TRDN: variants seen among roughly 807,000 people sequenced by gnomAD.
The protein encoded by TRDN is triadin in skeletal muscle.
A neutral mutation model predicts 149.7 loss-of-function variants in TRDN; 161 were observed. That is an observed-to-expected ratio of 1.08 (90% CI 0.95 to 1.23). The LOEUF (loss-of-function observed/expected upper bound fraction) is 1.23, where lower values mean the gene tolerates loss of function less well. Among genes scored for constraint, TRDN ranks in the 50% most tolerant of loss-of-function variants. The pLI is 0.00. For synonymous variants in TRDN, 294 were observed against 250.5 expected (o/e 1.17, Z -1.64); for missense variants, 896 against 823.5 (o/e 1.09, Z -1.08).
At chr6:123,237,386 A>G (rs960862320) in intron 38 of TRDN, among the ~76,000 whole-genome samples, 9 of 151,988 alleles carry the variant, frequency 5.9e-5, no homozygotes, top group Non-Finnish European at 1.0e-4. Flanking sequence ...AGTGGCTGGG[A>G]CTACAGGTAA....
chr6:123,437,913 A>T, intron 12 of TRDN, 150 bp downstream of exon 12: 1 of 643,844 alleles, frequency 1.6e-6, no homozygotes, highest in Non-Finnish European at 2.7e-6. Flanking sequence ...TTGCCTGTTT[A>T]ACTTTGTCTA....
chr6:123,362,825 T>C (rs1413317821), intron 20 of TRDN, among the ~76,000 whole-genome samples: 1 of 152,094 alleles, frequency 6.6e-6, no homozygotes, highest in Non-Finnish European at 1.5e-5. Flanking sequence ...TCAAGAACAA[T>C]ATTAACATTT....
intron 1 of TRDN, among the ~76,000 whole-genome samples, chr6:123,585,423 A>G (rs1196282937): frequency 6.6e-6 from 1 of 152,100 alleles, no homozygotes; most frequent in African/African-American, 2.4e-5. Flanking sequence ...CTTGAAAAGA[A>G]GGTAATGTGG....
chr6:123,279,531 T>C (rs901111102), intron 24 of TRDN, among the ~76,000 whole-genome samples: 6 of 152,030 alleles, frequency 3.9e-5, no homozygotes, highest in Admixed American at 1.3e-4. Context: ...TTTTCTCTGA[T>C]TCTGTTTTCT....
chr6:123,304,950 C>T (rs1181463218), intron 24 of TRDN, among the ~76,000 whole-genome samples: 1 of 151,984 alleles, frequency 6.6e-6, no homozygotes, highest in East Asian at 1.9e-4. Context: ...GTTGTGTAAA[C>T]AAAGATAAAA....
At chr6:123,408,985 A>T (rs1406894206) in intron 12 of TRDN, among the ~76,000 whole-genome samples, 1 of 152,196 alleles carries the variant, frequency 6.6e-6, no homozygotes, top group Non-Finnish European at 1.5e-5. Flanking sequence ...CTTAACATAT[A>T]CCAGACTGAA....
chr6:123,249,528 C>G (rs1218538642), intron 38 of TRDN, among the ~76,000 whole-genome samples: 2 of 152,102 alleles, frequency 1.3e-5, no homozygotes, highest in African/African-American at 4.8e-5. Flanking sequence ...TGGAATCAAC[C>G]TAAGTGCCCA....
At position 123,456,551 on chromosome 6, in the gene TRDN, C is replaced by T. The variant is rs78039480; in HGVS notation, c.931+8355G>A. On this transcript the variant is annotated intron_variant, in intron 10 of 40. Coordinates refer to ENST00000334268, the MANE Select transcript of TRDN (RefSeq NM_006073.4). Reference sequence around the variant, plus strand: ...TCGTGGGATCTCGGCTCACTGCAACCTCTGTTTCCCAGGCTCAAGTGATCC... The same window carrying T: ...TCGTGGGATCTCGGCTCACTGCAACTTCTGTTTCCCAGGCTCAAGTGATCC... Among the ~76,000 whole-genome samples the T allele has an allele frequency of 3.4e-3, 517 of 151,866 alleles. 23 individuals carry two copies. In the East Asian group the frequency reaches 0.092, roughly 27 times the overall value.
chr6:123,504,036 A>G (rs1778812709), intron 7 of TRDN, 135 bp from the exon 8 acceptor site: 2 of 912,104 alleles, frequency 2.2e-6, no homozygotes, highest in African/African-American at 1.7e-5. Context: ...TGTTAAGAAC[A>G]GTATTTTTCA....
chr6:123,519,488 TTTTA>T (rs1177254354), intron 5 of TRDN, among the ~76,000 whole-genome samples: 83 of 64,538 alleles, frequency 1.3e-3, no homozygotes, highest in East Asian at 0.012. Context: ...TTTTTTTTTT[TTTTA>T]AACAGGGAAA....
At position 123,259,617 on chromosome 6, in the gene TRDN, T is replaced by C. The variant is rs1776689664; in HGVS notation, c.1870+7A>G. The C allele has an allele frequency of 2.0e-6, 3 of 1,475,514 alleles. No individual in the cohort carries two copies. Among genetic ancestry groups the C allele is most frequent in the Middle Eastern group, 2.0e-4 (1 of 5,068 alleles). 91.4% of individuals were successfully genotyped at this position (1,475,514 alleles called of 1,614,324 possible). A position where few individuals can be genotyped will look rare whatever the true frequency, so the allele number is the denominator to read the frequency against. ...TTGATGTATATGTCTTAAAATGTCA[T>C]TTTTACCTTTACTTTCTTTTTCAGA... On this transcript the variant is annotated splice_region_variant and intron_variant, in intron 35 of 40. Coordinates refer to ENST00000334268, the MANE Select transcript of TRDN (RefSeq NM_006073.4).
At chr6:123,372,565 C>A (rs1471917775) in intron 19 of TRDN, among the ~76,000 whole-genome samples, 2 of 152,134 alleles carry the variant, frequency 1.3e-5, no homozygotes, top group East Asian at 3.9e-4. Context: ...AATACATGAT[C>A]CCAGCCCTAA....
intron 21 of TRDN, among the ~76,000 whole-genome samples, chr6:123,340,834 T>A (rs1195762806): frequency 6.6e-6 from 1 of 151,940 alleles, no homozygotes; most frequent in Non-Finnish European, 1.5e-5. Flanking sequence ...ATAACGCACA[T>A]CATCACACAG....
intron 23 of TRDN, among the ~76,000 whole-genome samples, chr6:123,324,668 C>T (rs999333195): frequency 5.9e-5 from 9 of 152,004 alleles, no homozygotes; most frequent in East Asian, 1.9e-4. Context: ...TAGAGTTGCA[C>T]GTGTATTTCA....
At chr6:123,324,628 A>G (rs1392326119) in intron 23 of TRDN, among the ~76,000 whole-genome samples, 2 of 151,762 alleles carry the variant, frequency 1.3e-5, no homozygotes, top group African/African-American at 4.8e-5. Context: ...TTTAAAAAAT[A>G]CCAAGGAATG....
Position 123,529,334 on chromosome 6 carries a change from A to G in TRDN, c.484+1172T>C, listed in dbSNP as rs763440307. ...TTAAGAACCGAAAAAAGGAAAGAGAACAGTAAGGAGACATTAGTTTCCTAA... is the reference window on the plus strand; with the variant it reads ...TTAAGAACCGAAAAAAGGAAAGAGAGCAGTAAGGAGACATTAGTTTCCTAA... On this transcript the variant is annotated intron_variant, in intron 5 of 40. Coordinates refer to ENST00000334268, the MANE Select transcript of TRDN (RefSeq NM_006073.4). The G allele has an allele frequency of 2.3e-5, 36 of 1,548,474 alleles. No individual in the cohort carries two copies. In the South Asian group the frequency reaches 3.9e-4, roughly 17 times the overall value.
chr6:123,368,779 C>T (rs998254475), intron 19 of TRDN, among the ~76,000 whole-genome samples: 2 of 152,124 alleles, frequency 1.3e-5, no homozygotes, highest in Non-Finnish European at 2.9e-5. Context: ...CTCACTTACA[C>T]AAGAACTCCC....
chr6:123,512,175 G>T (rs1779214952), intron 7 of TRDN, 128 bp downstream of exon 7: 1 of 540,196 alleles, frequency 1.9e-6, no homozygotes, highest in South Asian at 2.9e-5. Flanking sequence ...AAATTTTAAA[G>T]GTAAGACCAA....
chr6:123,432,636 T>A (rs1774379756), intron 12 of TRDN, among the ~76,000 whole-genome samples: 1 of 150,382 alleles, frequency 6.6e-6, no homozygotes, highest in Admixed American at 6.6e-5. Flanking sequence ...CCGTAATCCT[T>A]CCCCCTTCCC....
Sources: gnomAD v4.1 joint callset for allele counts (sites outside exome capture counted in the v4.1 genomes callset) on GRCh38, gnomAD v4.1.1 for gene constraint, MANE v1.5 for transcripts, NCBI Gene and HGNC (gene_info 2026-07-23, HGNC 2026-07-21) for gene names.